The following NOTCH1 variants were observed in gnomAD, a reference collection of about 807,000 sequenced individuals.
NOTCH1 encodes notch receptor 1.
NOTCH1 carries 37 observed loss-of-function variants against 254.8 expected under a neutral mutation model. The observed-to-expected ratio is 0.15, with a 90% CI of 0.11 to 0.19. NOTCH1 has a LOEUF of 0.19. NOTCH1 is among the 10% of genes least tolerant of loss of function. The pLI, the probability that NOTCH1 is intolerant of heterozygous loss-of-function variation, is 1.00. For missense variants in NOTCH1, 2,972 were observed against 3,708.6 expected, an observed-to-expected ratio of 0.80 and a Z score of 5.16; for synonymous variants, 1,731 against 1,618.1, an observed-to-expected ratio of 1.07 and a Z score of -1.68.
intron 31 of NOTCH1, 51 bp from the exon 32 acceptor site, chr9:136,499,310 G>A (rs2133323461): frequency 6.2e-7 from 1 of 1,603,926 alleles, no homozygotes; most frequent in Non-Finnish European, 8.5e-7. Flanking sequence ...GTACACCGAT[G>A]CCTCCTGCCC....
At chr9:136,527,066 G>C (rs1843472699) in intron 2 of NOTCH1, among the ~76,000 whole-genome samples, 5 of 152,254 alleles carry the variant, frequency 3.3e-5, no homozygotes, top group Admixed American at 2.0e-4. Context: ...CGAGCCTGGA[G>C]AAAGTTTTGA....
chr9:136,500,936 G>C, intron 30 of NOTCH1, 89 bp from the exon 31 acceptor site: 1 of 1,434,334 alleles, frequency 7.0e-7, no homozygotes, highest in Non-Finnish European at 9.3e-7. Flanking sequence ...AAGCTCAAGG[G>C]GCCACGGTGT....
At chr9:136,515,893 C>T in intron 10 of NOTCH1, 88 bp downstream of exon 10, 1 of 1,245,136 alleles carries the variant, frequency 8.0e-7, no homozygotes, top group South Asian at 1.3e-5. Context: ...TGGCCCAGAC[C>T]AAGGTGTCCA....
chr9:136,538,812 G>A (rs1324519060), intron 2 of NOTCH1, among the ~76,000 whole-genome samples: 4 of 152,220 alleles, frequency 2.6e-5, no homozygotes, highest in South Asian at 2.1e-4. Context: ...GGGTAACAGC[G>A]GCGTCCTGAG....
At chr9:136,516,623 G>C in intron 9 of NOTCH1, among the ~76,000 whole-genome samples, 1 of 152,138 alleles carries the variant, frequency 6.6e-6, no homozygotes, top group Non-Finnish European at 1.5e-5. Context: ...GACATGGCAG[G>C]ACAGGGCAGG....
intron 2 of NOTCH1, among the ~76,000 whole-genome samples, chr9:136,541,869 T>C (rs1237547946): frequency 6.6e-6 from 1 of 151,708 alleles, no homozygotes; most frequent in Non-Finnish European, 1.5e-5. Flanking sequence ...ACTTGTGGGG[T>C]GTGCACAATG....
At chr9:136,543,339 T>C (rs988723184) in intron 2 of NOTCH1, 2 of 176,376 alleles carry the variant, frequency 1.1e-5, no homozygotes, top group Non-Finnish European at 1.1e-5. Context: ...CTAGAGGAGG[T>C]ATCACCACCC....
intron 2 of NOTCH1, among the ~76,000 whole-genome samples, chr9:136,535,993 G>GA (rs1843650641): frequency 1.7e-4 from 24 of 140,996 alleles, no homozygotes; most frequent in East Asian, 2.0e-4. Flanking sequence ...TGGTGGGTGG[G>GA]GGGGAGCACT....
chr9:136,539,091 C>A (rs972427124), intron 2 of NOTCH1, among the ~76,000 whole-genome samples: 2 of 152,230 alleles, frequency 1.3e-5, no homozygotes, highest in East Asian at 3.8e-4. Context: ...ATCTGGGGGT[C>A]CCCGCACCCA....
chr9:136,530,152 G>C, intron 2 of NOTCH1, among the ~76,000 whole-genome samples: 1 of 152,326 alleles, frequency 6.6e-6, no homozygotes, highest in Middle Eastern at 3.4e-3. Context: ...GGTCGCGGCC[G>C]GCCCGCCACA....
In NOTCH1 at chr9:136,522,837, C is replaced by T. The variant is rs1233164878; in HGVS notation, c.742+13G>A. ...GGAGGGGCTCGTGCACCCCGGCCAG[C>T]GGGCAGCACTACCTGGCAGGCAGGC... On this transcript the variant is annotated intron_variant, in intron 4 of 33. Coordinates refer to ENST00000651671, the MANE Select transcript of NOTCH1 (RefSeq NM_017617.5). 34 of 1,469,232 alleles carry T rather than the reference C, an allele frequency of 2.3e-5. No individual in the cohort carries two copies. Among genetic ancestry groups the T allele is most frequent in the South Asian group, 1.5e-4 (11 of 72,842 alleles). The allele number at this position is 1,469,232 out of a possible 1,614,324, so 91.0% of individuals were successfully genotyped here. A position where few individuals can be genotyped will look rare whatever the true frequency, so the allele number is the denominator to read the frequency against.
intron 13 of NOTCH1, among the ~76,000 whole-genome samples, chr9:136,514,016 C>T (rs1226005793): frequency 6.6e-6 from 1 of 152,132 alleles, no homozygotes; most frequent in Admixed American, 6.5e-5. Context: ...CCCAAGACTG[C>T]GGCAGGGGTT....
At chr9:136,539,800 G>A (rs949430125) in intron 2 of NOTCH1, among the ~76,000 whole-genome samples, 9 of 152,196 alleles carry the variant, frequency 5.9e-5, no homozygotes, top group South Asian at 4.1e-4. Flanking sequence ...GACGAGGCAG[G>A]TGACTCAATG....
chr9:136,513,666 T>TATA lies in NOTCH1; in HGVS notation c.2208-130_2208-129insTAT. 6 of 1,040,246 alleles carry TATA rather than the reference T, an allele frequency of 5.8e-6. No homozygotes were observed. Among genetic ancestry groups the TATA allele is most frequent in the Non-Finnish European group, 7.1e-6 (5 of 699,338 alleles). The allele number at this position is 1,040,246 out of a possible 1,614,324, so 64.4% of individuals were successfully genotyped here. A position where few individuals can be genotyped will look rare whatever the true frequency, so the allele number is the denominator to read the frequency against. On this transcript the variant is annotated intron_variant, in intron 13 of 33. Transcript: ENST00000651671. The surrounding 1 kb of genome is among the most constrained non-coding windows in gnomAD (Gnocchi z 4.7). ...ATCCACTCAGACTCGCAGAGTCCTT[T>TATA]AGTGGGGGCAGGCTGGGCGCTGTGG...
Position 136,513,053 on chromosome 9 carries a change from CCGGCAACGTCGTCAATACA to C in NOTCH1, c.2416_2434del (p.Cys806GlyfsTer64). The C allele has an allele frequency of 6.2e-7, 1 of 1,608,284 alleles. No individual in the cohort carries two copies. The highest frequency in any genetic ancestry group is 8.5e-7 in the Non-Finnish European group (1 of 1,177,282). On this transcript the variant is annotated frameshift_variant, in exon 15 of 34. Coordinates refer to ENST00000651671, the MANE Select transcript of NOTCH1 (RefSeq NM_017617.5). LOFTEE classifies it high-confidence loss of function. The surrounding 1 kb of genome is among the most constrained non-coding windows in gnomAD (Gnocchi z 4.7). ...GGGCAGCAGGCAGTTGCACTTGTACCCGGCAACGTCGTCAATACACGTGCCCTGGTTCAGACATGGGTTG... is the reference window on the plus strand; with the variant it reads ...GGGCAGCAGGCAGTTGCACTTGTACCCGTGCCCTGGTTCAGACATGGGTTG...
chr9:136,513,422 A>G lies in NOTCH1; in HGVS notation c.2323T>C (p.Tyr775His). 1 of 1,612,938 alleles carries G rather than the reference A, an allele frequency of 6.2e-7. No homozygotes were observed. The highest frequency in any genetic ancestry group is 8.5e-7 in the Non-Finnish European group (1 of 1,180,000). Residue 775 changes from tyrosine to histidine, a missense_variant, in exon 14 of 34, where the codon TAC becomes CAC. Transcript: ENST00000651671. The surrounding 1 kb of genome is among the most constrained non-coding windows in gnomAD (Gnocchi z 4.7). ...GGTCKDMTSG[Y>H]VCTCREGFSG... ...AAGCCCTCCCGGCAGGTGCACACGT[A>G]GCCACTGGTCATGTCTTTGCAGGTG...
At chr9:136,514,915 A>C (rs1156847899) in intron 12 of NOTCH1, among the ~76,000 whole-genome samples, 1 of 152,098 alleles carries the variant, frequency 6.6e-6, no homozygotes, top group African/African-American at 2.4e-5. Context: ...CCCCAGGGGC[A>C]GGGGCTACTG....
Position 136,513,139 on chromosome 9 carries a change from A to G in NOTCH1, c.2354-5T>C, listed in dbSNP as rs371944522. 443 of 1,609,694 alleles carry G rather than the reference A, an allele frequency of 2.8e-4. 1 individual carries two copies. The highest frequency in any genetic ancestry group is 3.7e-4 in the Non-Finnish European group (431 of 1,177,206). ...TGTTGGTCTGGCAGTTGGGACCTGG[A>G]GGGAAGGGGACAGCACTCGGCATGT... On this transcript the variant is annotated splice_polypyrimidine_tract_variant and splice_region_variant and intron_variant, in intron 14 of 33. Coordinates refer to ENST00000651671, the MANE Select transcript of NOTCH1 (RefSeq NM_017617.5). The surrounding 1 kb of genome is among the most constrained non-coding windows in gnomAD (Gnocchi z 4.7).
At chr9:136,501,259 C>T (rs972285124) in intron 30 of NOTCH1, among the ~76,000 whole-genome samples, 18 of 152,026 alleles carry the variant, frequency 1.2e-4, no homozygotes, top group African/African-American at 4.3e-4. Context: ...CATGGTGAAA[C>T]CCCATCGCTG....
Sources: allele counts gnomAD v4.1 joint callset (sites outside exome capture counted in the v4.1 genomes callset), GRCh38; gene constraint gnomAD v4.1.1; non-coding constraint Gnocchi (gnomAD v3.1); transcripts MANE v1.5; gene names NCBI Gene and HGNC (gene_info 2026-07-23, HGNC 2026-07-21).